The following LHFPL6 variants were observed in gnomAD, a reference collection of about 807,000 sequenced individuals.
The protein encoded by LHFPL6 is LHFPL tetraspan subfamily member 6 protein.
A neutral mutation model predicts 20.6 loss-of-function variants in LHFPL6; 9 were observed. The observed-to-expected ratio is 0.44, with a 90% CI of 0.26 to 0.76. The LOEUF (loss-of-function observed/expected upper bound fraction) is 0.76, where lower values mean the gene tolerates loss of function less well. Among genes scored for constraint, LHFPL6 ranks in the 30% least tolerant of loss-of-function variants. The probability of loss-of-function intolerance (pLI) is 0.20; values close to 1 mark genes in which losing one functional copy is unlikely to be tolerated. For missense variants in LHFPL6, 218 were observed against 253.5 expected (o/e 0.86, Z 0.95); for synonymous variants, 105 against 98.7 (o/e 1.06, Z -0.38).
chr13:39,582,785 G>A (rs1388806507), intron 2 of LHFPL6, among the ~76,000 whole-genome samples: 1 of 152,120 alleles, frequency 6.6e-6, no homozygotes, highest in East Asian at 1.9e-4. Context: ...TCATTCATCT[G>A]TACAATTCCA....
chr13:39,343,030 A>G lies in LHFPL6; in HGVS notation c.*906T>C, dbSNP rs1248202953. ...AATGGACAAAAGAAAACACGATCCA[A>G]TGACTGGAAAATGTCTCTCATTACT... On this transcript the variant is annotated 3_prime_UTR_variant, in exon 4 of 4. Coordinates refer to ENST00000379589, the MANE Select transcript of LHFPL6 (RefSeq NM_005780.3). 1.0e-5 allele frequency: 2 copies of G among 195,682 alleles called. No individual in the cohort carries two copies. The highest frequency in any genetic ancestry group is 2.1e-5 in the Non-Finnish European group (2 of 93,854). The allele number at this position is 195,682 out of a possible 1,614,324, so 12.1% of individuals were successfully genotyped here. A position where few individuals can be genotyped will look rare whatever the true frequency, so the allele number is the denominator to read the frequency against.
At chr13:39,471,471 C>T (rs902328193) in intron 2 of LHFPL6, among the ~76,000 whole-genome samples, 2 of 152,164 alleles carry the variant, frequency 1.3e-5, no homozygotes, top group African/African-American at 4.8e-5. Flanking sequence ...AATCCCTTTG[C>T]TGTGGCAGGC....
chr13:39,371,003 G>A (rs1870154029), intron 3 of LHFPL6, among the ~76,000 whole-genome samples: 1 of 152,218 alleles, frequency 6.6e-6, no homozygotes, highest in African/African-American at 2.4e-5. Flanking sequence ...GAGTCAAAGA[G>A]CTAAAGGATA....
chr13:39,559,297 C>A (rs950708637), intron 2 of LHFPL6, among the ~76,000 whole-genome samples: 1 of 152,180 alleles, frequency 6.6e-6, no homozygotes. Flanking sequence ...GAGGCAGCGG[C>A]TAGTGTCAAA....
At chr13:39,391,898 T>C (rs143536932) in intron 2 of LHFPL6, among the ~76,000 whole-genome samples, 2 of 152,348 alleles carry the variant, frequency 1.3e-5, no homozygotes, top group African/African-American at 4.8e-5. Flanking sequence ...CCATCTGGAA[T>C]AGCTGACAGA....
chr13:39,387,071 A>G (rs1015769295), intron 2 of LHFPL6, among the ~76,000 whole-genome samples: 1 of 152,170 alleles, frequency 6.6e-6, no homozygotes, highest in African/African-American at 2.4e-5. Context: ...CATACATTGC[A>G]GTTATTTGTA....
rs537652003 is a variant in LHFPL6 at position 39,500,202 on chromosome 13, T to G, written c.385+100630A>C. Among the ~76,000 whole-genome samples the G allele has an allele frequency of 8.3e-4, 127 of 152,164 alleles. 1 individual carries two copies. The highest frequency in any genetic ancestry group is 3.4e-3 in the Admixed American group (52 of 15,286). On this transcript the variant is annotated intron_variant, in intron 2 of 3. Coordinates refer to ENST00000379589, the MANE Select transcript of LHFPL6 (RefSeq NM_005780.3). Reference sequence around the variant, plus strand: ...TTTATTGGGGTTGTTTGTTTATTTTTTTTGTTTGTTTTATTTTGAGACAGG... The same window carrying G: ...TTTATTGGGGTTGTTTGTTTATTTTGTTTGTTTGTTTTATTTTGAGACAGG...
At chr13:39,503,414 A>G (rs1289820017) in intron 2 of LHFPL6, among the ~76,000 whole-genome samples, 1 of 152,216 alleles carries the variant, frequency 6.6e-6, no homozygotes, top group Non-Finnish European at 1.5e-5. Flanking sequence ...ATTAATATCT[A>G]AAATTGCAAC....
intron 2 of LHFPL6, among the ~76,000 whole-genome samples, chr13:39,488,538 T>C (rs1868801589): frequency 6.6e-6 from 1 of 152,124 alleles, no homozygotes; most frequent in Non-Finnish European, 1.5e-5. Flanking sequence ...TTCTCTCCTA[T>C]CAAAAATGCA....
intron 2 of LHFPL6, among the ~76,000 whole-genome samples, chr13:39,490,757 C>T (rs34007817): frequency 0.077 from 11,756 of 152,234 alleles, 677 homozygotes; most frequent in Admixed American, 0.15. Flanking sequence ...GAGGGGACAG[C>T]TGCTAAGGAC....
chr13:39,599,488 T>A (rs2138556222), intron 2 of LHFPL6, among the ~76,000 whole-genome samples: 1 of 152,340 alleles, frequency 6.6e-6, no homozygotes, highest in South Asian at 2.1e-4. Flanking sequence ...AAGACTTTTG[T>A]CAGTGTTAAA....
intron 2 of LHFPL6, among the ~76,000 whole-genome samples, chr13:39,530,293 T>C (rs1160363062): frequency 6.8e-6 from 1 of 148,102 alleles, no homozygotes; most frequent in Non-Finnish European, 1.5e-5. Flanking sequence ...GAGTAGCATA[T>C]GTAAAGACAT....
chr13:39,347,539 T>C (rs1869442684), intron 3 of LHFPL6, among the ~76,000 whole-genome samples: 1 of 152,148 alleles, frequency 6.6e-6, no homozygotes, highest in Non-Finnish European at 1.5e-5. Flanking sequence ...TGTGCTAAAT[T>C]TAACGGGGTA....
At position 39,417,798 on chromosome 13, in the gene LHFPL6, G is replaced by A. The variant is rs562674149; in HGVS notation, c.386-39272C>T. ...GGGCTGCATTCCAATTGACTGGGGT[G>A]GTGACAAGGAGACCCAGCCCCAGCC... is the stretch of plus-strand genomic sequence containing the variant. On this transcript the variant is annotated intron_variant, in intron 2 of 3. Coordinates refer to ENST00000379589, the MANE Select transcript of LHFPL6 (RefSeq NM_005780.3). 3.3e-5 allele frequency among the ~76,000 whole-genome samples: 5 copies of A among 152,302 alleles called. No homozygotes were observed. The South Asian group carries it at 1.0e-3, about 32-fold the overall frequency.
chr13:39,375,668 C>T (rs1417606572), intron 3 of LHFPL6, among the ~76,000 whole-genome samples: 9 of 146,396 alleles, frequency 6.1e-5, no homozygotes, highest in African/African-American at 1.3e-4. Context: ...CCAGCCTAGG[C>T]GAGAGAGTGA....
rs1393163556 is a variant in LHFPL6, at chr13:39,571,359, T to C, written c.385+29473A>G. Among the ~76,000 whole-genome samples the C allele has an allele frequency of 2.6e-5, 4 of 152,316 alleles. No homozygotes were observed. In the East Asian group the frequency reaches 7.7e-4, roughly 29 times the overall value. On this transcript the variant is annotated intron_variant, in intron 2 of 3. Transcript: ENST00000379589. Reference sequence around the variant, plus strand: ...ATCCCTACCCTTTCCTAATTGGTCTTCTACACCGTCATATCCAACTTTGAG... The same window carrying C: ...ATCCCTACCCTTTCCTAATTGGTCTCCTACACCGTCATATCCAACTTTGAG...
intron 2 of LHFPL6, among the ~76,000 whole-genome samples, chr13:39,598,278 T>C (rs1187366535): frequency 2.2e-5 from 1 of 45,452 alleles, no homozygotes; most frequent in Non-Finnish European, 3.8e-5. Context: ...TAGGGAATTC[T>C]TTTTGAAACT....
At chr13:39,368,689 G>A (rs1870074227) in intron 3 of LHFPL6, among the ~76,000 whole-genome samples, 1 of 152,070 alleles carries the variant, frequency 6.6e-6, no homozygotes, top group African/African-American at 2.4e-5. Flanking sequence ...TTTAGAAAGG[G>A]CACAAATTAG....
At chr13:39,410,721 G>C (rs1038646897) in intron 2 of LHFPL6, among the ~76,000 whole-genome samples, 1 of 152,084 alleles carries the variant, frequency 6.6e-6, no homozygotes, top group African/African-American at 2.4e-5. Context: ...CCTCCCAGAG[G>C]ACACCCCCAC....
Sources: gnomAD v4.1 joint callset for allele counts (sites outside exome capture counted in the v4.1 genomes callset) on GRCh38, gnomAD v4.1.1 for gene constraint, MANE v1.5 for transcripts, NCBI Gene and HGNC (gene_info 2026-07-23, HGNC 2026-07-21) for gene names.